PELI2: variants seen among roughly 807,000 people sequenced by gnomAD.
The protein encoded by PELI2 is pellino E3 ubiquitin protein ligase family member 2, also known as E3 ubiquitin-protein ligase pellino homolog 2.
A neutral mutation model predicts 42.3 loss-of-function variants in PELI2; 23 were observed. That is an observed-to-expected ratio of 0.54 (90% CI 0.39 to 0.77). The LOEUF is 0.77. Among genes scored for constraint, PELI2 ranks in the 30% least tolerant of loss-of-function variants. The pLI is 0.00. For synonymous variants in PELI2, 245 were observed against 212.2 expected (o/e 1.15, Z -1.34); for missense variants, 463 against 553.2 (o/e 0.84, Z 1.64).
intron 1 of PELI2, among the ~76,000 whole-genome samples, chr14:56,146,979 G>A (rs1263260360): frequency 6.6e-6 from 1 of 152,084 alleles, no homozygotes; most frequent in African/African-American, 2.4e-5. Flanking sequence ...CTCAGCTCTA[G>A]GCAACCACTG....
At chr14:56,268,428 T>G (rs1199144626) in intron 2 of PELI2, among the ~76,000 whole-genome samples, 1 of 152,208 alleles carries the variant, frequency 6.6e-6, no homozygotes, top group Non-Finnish European at 1.5e-5. Flanking sequence ...AGATATCTCC[T>G]TACAAAATTT....
At chr14:56,184,051 A>C (rs1048335916) in intron 2 of PELI2, among the ~76,000 whole-genome samples, 1 of 152,108 alleles carries the variant, frequency 6.6e-6, no homozygotes, top group East Asian at 1.9e-4. Flanking sequence ...CTTGTATCAA[A>C]TAAATACTAG....
At chr14:56,210,451 A>G (rs1054532759) in intron 2 of PELI2, among the ~76,000 whole-genome samples, 10 of 151,798 alleles carry the variant, frequency 6.6e-5, no homozygotes, top group Non-Finnish European at 8.8e-5. Context: ...TCAACTATGT[A>G]CTTGTATTTC....
intron 1 of PELI2, among the ~76,000 whole-genome samples, chr14:56,161,600 A>C (rs1318886449): frequency 6.6e-6 from 1 of 152,140 alleles, no homozygotes; most frequent in South Asian, 2.1e-4. Flanking sequence ...TACCTTGACT[A>C]TCTTGCCTAC....
chr14:56,174,688 T>C (rs1279912968), intron 1 of PELI2, among the ~76,000 whole-genome samples: 6 of 152,232 alleles, frequency 3.9e-5, no homozygotes. Flanking sequence ...AAGGTGATTG[T>C]TTCCCCTTTG....
At chr14:56,156,906 G>A (rs375048684) in intron 1 of PELI2, among the ~76,000 whole-genome samples, 68 of 152,230 alleles carry the variant, frequency 4.5e-4, no homozygotes, top group Admixed American at 1.4e-3. Flanking sequence ...TACATTTCAC[G>A]AATTTGTAAA....
chr14:56,295,311 G>A (rs954023851), intron 5 of PELI2, among the ~76,000 whole-genome samples: 1 of 151,436 alleles, frequency 6.6e-6, no homozygotes, highest in African/African-American at 2.4e-5. Flanking sequence ...TCTGGGCATG[G>A]ATGCCAGCCT....
At chr14:56,144,418 G>A (rs1196146349) in intron 1 of PELI2, among the ~76,000 whole-genome samples, 1 of 152,228 alleles carries the variant, frequency 6.6e-6, no homozygotes, top group Non-Finnish European at 1.5e-5. Context: ...CTTCAGGGAA[G>A]CCAGAGTTCT....
chr14:56,292,120 G>A (rs1465704465), intron 5 of PELI2, among the ~76,000 whole-genome samples: 1 of 152,188 alleles, frequency 6.6e-6, no homozygotes. Flanking sequence ...GAATTTTACA[G>A]TGCGACTGAA....
At chr14:56,240,748 A>T (rs1272155785) in intron 2 of PELI2, among the ~76,000 whole-genome samples, 2 of 152,050 alleles carry the variant, frequency 1.3e-5, no homozygotes, top group Non-Finnish European at 2.9e-5. Flanking sequence ...CTCAGGTGGA[A>T]TGCTAGCTTT....
intron 1 of PELI2, among the ~76,000 whole-genome samples, chr14:56,168,919 C>A (rs554900221): frequency 6.6e-6 from 1 of 152,062 alleles, no homozygotes; most frequent in Non-Finnish European, 1.5e-5. Context: ...GGGTCCTTCC[C>A]TTCAAGGCAG....
At chr14:56,271,794 C>T (rs1354953743) in intron 2 of PELI2, among the ~76,000 whole-genome samples, 2 of 152,184 alleles carry the variant, frequency 1.3e-5, no homozygotes, top group Non-Finnish European at 2.9e-5. Flanking sequence ...TCCCATCGGG[C>T]AGGCTGTTAG....
chr14:56,121,089 C>T (rs952450592), intron 1 of PELI2, among the ~76,000 whole-genome samples: 2 of 152,048 alleles, frequency 1.3e-5, no homozygotes, highest in Non-Finnish European at 2.9e-5. Context: ...TTAATATCAT[C>T]TTTATGATAT....
At chr14:56,163,522 A>G (rs1884841588) in intron 1 of PELI2, among the ~76,000 whole-genome samples, 1 of 151,646 alleles carries the variant, frequency 6.6e-6, no homozygotes, top group Non-Finnish European at 1.5e-5. Context: ...CTCCGGTTTC[A>G]TTCTTTATAC....
At chr14:56,290,160 C>T in intron 4 of PELI2, 108 bp from the exon 5 acceptor site, 1 of 767,952 alleles carries the variant, frequency 1.3e-6, no homozygotes, top group Non-Finnish European at 2.0e-6. Flanking sequence ...GAAAATTCAT[C>T]ACCTTCCTCC....
chr14:56,157,111 C>G (rs1317363018), intron 1 of PELI2, among the ~76,000 whole-genome samples: 1 of 152,166 alleles, frequency 6.6e-6, no homozygotes, highest in Non-Finnish European at 1.5e-5. Flanking sequence ...AAGGGCTTCC[C>G]TCTTTGCAGC....
chr14:56,189,722 A>G (rs1023218542), intron 2 of PELI2, among the ~76,000 whole-genome samples: 3 of 152,268 alleles, frequency 2.0e-5, no homozygotes, highest in African/African-American at 4.8e-5. Flanking sequence ...GTTTAATTAT[A>G]TTAAAAACTT....
chr14:56,169,104 G>A (rs1396335868), intron 1 of PELI2, among the ~76,000 whole-genome samples: 1 of 152,168 alleles, frequency 6.6e-6, no homozygotes, highest in African/African-American at 2.4e-5. Context: ...TGGACAGAAG[G>A]AAAGGGTCTC....
At chr14:56,233,480 A>G (rs1390161188) in intron 2 of PELI2, among the ~76,000 whole-genome samples, 1 of 152,182 alleles carries the variant, frequency 6.6e-6, no homozygotes, top group African/African-American at 2.4e-5. Flanking sequence ...TCTTTGACAA[A>G]CCTGACAAAA....
Sources: gnomAD v4.1 joint callset for allele counts (sites outside exome capture counted in the v4.1 genomes callset) on GRCh38, gnomAD v4.1.1 for gene constraint, MANE v1.5 for transcripts, NCBI Gene and HGNC (gene_info 2026-07-23, HGNC 2026-07-21) for gene names.